The following CSRNP3 variants were observed in gnomAD, a reference collection of about 807,000 sequenced individuals.
CSRNP3 encodes cysteine/serine-rich nuclear protein 3.
CSRNP3 carries 12 observed loss-of-function variants against 48.0 expected under a neutral mutation model. That is an observed-to-expected ratio of 0.25 (90% CI 0.16 to 0.41). CSRNP3 has a LOEUF of 0.41. Ranked by LOEUF, CSRNP3 falls within the 10% of genes least tolerant of loss-of-function variation. CSRNP3 has a pLI of 1.00. For missense variants in CSRNP3, 580 were observed against 724.4 expected (o/e 0.80, Z 2.29); for synonymous variants, 263 against 269.7 (o/e 0.98, Z 0.24).
At chr2:165,597,099 A>G (rs1277541218) in intron 4 of CSRNP3, among the ~76,000 whole-genome samples, 1 of 152,210 alleles carries the variant, frequency 6.6e-6, no homozygotes, top group East Asian at 1.9e-4. Flanking sequence ...CCCCTTAATT[A>G]TATAACATTG....
At chr2:165,560,933 T>G (rs1049142045) in intron 3 of CSRNP3, among the ~76,000 whole-genome samples, 2 of 152,124 alleles carry the variant, frequency 1.3e-5, no homozygotes, top group Non-Finnish European at 2.9e-5. Context: ...GAGCTTACAT[T>G]TGAGAAGCAA....
At chr2:165,527,968 G>C (rs1164971064) in intron 3 of CSRNP3, among the ~76,000 whole-genome samples, 1 of 151,438 alleles carries the variant, frequency 6.6e-6, no homozygotes, top group Admixed American at 6.6e-5. Flanking sequence ...AGAGAAAAAA[G>C]AGAGAGAGAG....
intron 2 of CSRNP3, among the ~76,000 whole-genome samples, chr2:165,508,484 T>A (rs1684457937): frequency 6.6e-6 from 1 of 152,184 alleles, no homozygotes; most frequent in Non-Finnish European, 1.5e-5. Flanking sequence ...TTTTTATTTT[T>A]TGGCTTGACT....
intron 3 of CSRNP3, among the ~76,000 whole-genome samples, chr2:165,593,013 G>A (rs111506673): frequency 6.6e-6 from 1 of 151,538 alleles, no homozygotes; most frequent in Non-Finnish European, 1.5e-5. Flanking sequence ...GTTTTAGCCG[G>A]GATGGTCTCG....
In CSRNP3 at chr2:165,676,488, C is replaced by T. The variant is rs148986083; in HGVS notation, c.585C>T (p.Asp195=). 426 of 1,613,972 alleles carry T rather than the reference C, an allele frequency of 2.6e-4. No homozygotes were observed. Among genetic ancestry groups the T allele is most frequent in the Non-Finnish European group, 3.3e-4 (393 of 1,179,996 alleles). ...LLRASGVKKI[D]VEEKHELRAI... is the part of the protein sequence containing the mutation. ...GTGCCTCTGGAGTGAAAAAGATTGA[C>T]GTGGAAGAAAAGCACGAACTCCGAG... The change falls in exon 6 of 7, where the codon GAC becomes GAT. Residue 195 remains aspartate (D), a synonymous_variant. Transcript: ENST00000651982.
chr2:165,611,416 CATT>C (rs1386798064), intron 4 of CSRNP3, among the ~76,000 whole-genome samples: 2 of 151,168 alleles, frequency 1.3e-5, no homozygotes, highest in Non-Finnish European at 3.0e-5. Flanking sequence ...TACTTTGAAA[CATT>C]ATGTTGTACA....
At chr2:165,621,030 AT>A (rs1686329998) in intron 4 of CSRNP3, among the ~76,000 whole-genome samples, 1 of 152,116 alleles carries the variant, frequency 6.6e-6, no homozygotes, top group Non-Finnish European at 1.5e-5. Flanking sequence ...TGACCATCAT[AT>A]AGGTAACCTG....
At chr2:165,560,203 T>G (rs999386017) in intron 3 of CSRNP3, among the ~76,000 whole-genome samples, 3 of 152,148 alleles carry the variant, frequency 2.0e-5, no homozygotes, top group African/African-American at 4.8e-5. Flanking sequence ...TACCTGGAAA[T>G]TTTCCCCTTG....
chr2:165,593,382 G>A (rs1031130825), intron 3 of CSRNP3, among the ~76,000 whole-genome samples: 8 of 152,100 alleles, frequency 5.3e-5, no homozygotes, highest in Non-Finnish European at 7.4e-5. Context: ...CCCAATTTGG[G>A]GCTTCACAAA....
chr2:165,654,681 G>A (rs1263874017), intron 4 of CSRNP3, among the ~76,000 whole-genome samples: 1 of 152,016 alleles, frequency 6.6e-6, no homozygotes, highest in Non-Finnish European at 1.5e-5. Flanking sequence ...CCAGGCTGGA[G>A]TGCAGTGGTG....
intron 1 of CSRNP3, among the ~76,000 whole-genome samples, chr2:165,483,196 TG>T (rs1202047170): frequency 6.6e-6 from 1 of 152,046 alleles, no homozygotes; most frequent in Non-Finnish European, 1.5e-5. Flanking sequence ...TCTCAACCAT[TG>T]GATATAGTAG....
chr2:165,523,879 C>T (rs990948724), intron 3 of CSRNP3, among the ~76,000 whole-genome samples: 1 of 152,222 alleles, frequency 6.6e-6, no homozygotes, highest in Non-Finnish European at 1.5e-5. Context: ...CATCTTCATT[C>T]TATTGCTCTT....
intron 2 of CSRNP3, among the ~76,000 whole-genome samples, chr2:165,514,781 G>T (rs1684554513): frequency 6.6e-6 from 1 of 152,070 alleles, no homozygotes; most frequent in East Asian, 1.9e-4. Flanking sequence ...CGGATTTCTG[G>T]TCTCAAGTGA....
intron 3 of CSRNP3, among the ~76,000 whole-genome samples, chr2:165,583,494 G>A (rs1012187525): frequency 1.3e-5 from 2 of 152,202 alleles, no homozygotes; most frequent in Non-Finnish European, 2.9e-5. Context: ...TAGTATAGAT[G>A]TATTGACTTC....
intron 1 of CSRNP3, among the ~76,000 whole-genome samples, chr2:165,492,380 T>G (rs529231793): frequency 6.6e-6 from 1 of 152,272 alleles, no homozygotes; most frequent in South Asian, 2.1e-4. Flanking sequence ...CTACACAGTC[T>G]AGCCCTGAAG....
chr2:165,474,825 C>G (rs1054873994), intron 1 of CSRNP3, among the ~76,000 whole-genome samples: 2 of 152,210 alleles, frequency 1.3e-5, no homozygotes, highest in Non-Finnish European at 2.9e-5. Context: ...GAACTCTCCA[C>G]TTCAGACCTG....
chr2:165,545,763 A>G (rs1558930614), intron 3 of CSRNP3, among the ~76,000 whole-genome samples: 2 of 152,066 alleles, frequency 1.3e-5, no homozygotes, highest in Non-Finnish European at 2.9e-5. Context: ...CTTCCCTTTT[A>G]TTTGTGTTTC....
At chr2:165,658,102 A>T in intron 5 of CSRNP3, 82 bp downstream of exon 5, 1 of 1,442,304 alleles carries the variant, frequency 6.9e-7, no homozygotes, top group Non-Finnish European at 9.4e-7. Context: ...ATTTATAATC[A>T]CGAAACAAAC....
intron 3 of CSRNP3, among the ~76,000 whole-genome samples, chr2:165,559,796 C>CTTTTTTTTTTTTTTTTTTTTTTT (rs11313094): frequency 1.0e-5 from 1 of 98,424 alleles, no homozygotes; most frequent in Non-Finnish European, 1.9e-5. Flanking sequence ...TTCTTTCTTT[C>CTTTTTTTTTTTTTTTTTTTTTTT]TTTTTTTTTT....
Sources: gnomAD v4.1 joint callset for allele counts (sites outside exome capture counted in the v4.1 genomes callset) on GRCh38, gnomAD v4.1.1 for gene constraint, MANE v1.5 for transcripts, NCBI Gene and HGNC (gene_info 2026-07-23, HGNC 2026-07-21) for gene names.